ADAMTSL1: variants seen among roughly 807,000 people sequenced by gnomAD.
ADAMTSL1 encodes ADAMTS like 1.
Under a neutral mutation model 201.8 loss-of-function variants are expected in ADAMTSL1, and 126 were observed. That is an observed-to-expected ratio of 0.62 (90% CI 0.54 to 0.72). ADAMTSL1 has a LOEUF of 0.72. Among genes scored for constraint, ADAMTSL1 ranks in the 30% least tolerant of loss-of-function variants. The pLI, the probability that ADAMTSL1 is intolerant of heterozygous loss-of-function variation, is 0.00. For missense variants in ADAMTSL1, 2,679 were observed against 2,277.8 expected, an observed-to-expected ratio of 1.18 and a Z score of -3.59; for synonymous variants, 1,121 against 903.4, an observed-to-expected ratio of 1.24 and a Z score of -4.32.
chr9:18,194,013 G>A (rs893127069), intron 2 of ADAMTSL1, among the ~76,000 whole-genome samples: 1 of 152,098 alleles, frequency 6.6e-6, no homozygotes, highest in African/African-American at 2.4e-5. Flanking sequence ...GATGATAGCA[G>A]AAAAGAGCTA....
At chr9:18,280,709 G>A (rs1693798639) in intron 2 of ADAMTSL1, among the ~76,000 whole-genome samples, 1 of 152,066 alleles carries the variant, frequency 6.6e-6, no homozygotes, top group Non-Finnish European at 1.5e-5. Flanking sequence ...ATTGATATTA[G>A]TTACGTAGAA....
At chr9:18,466,141 T>C (rs2131728901) in intron 2 of ADAMTSL1, among the ~76,000 whole-genome samples, 1 of 152,344 alleles carries the variant, frequency 6.6e-6, no homozygotes, top group East Asian at 1.9e-4. Context: ...CTTGGGACCC[T>C]GTGCTTTCCA....
intron 9 of ADAMTSL1, among the ~76,000 whole-genome samples, chr9:18,671,184 A>C (rs545734150): frequency 6.6e-6 from 1 of 152,192 alleles, no homozygotes; most frequent in South Asian, 2.1e-4. Context: ...CCAATAGTAC[A>C]CAGTTAAAAG....
intron 2 of ADAMTSL1, among the ~76,000 whole-genome samples, chr9:18,455,296 C>A (rs943981163): frequency 2.0e-5 from 3 of 152,144 alleles, no homozygotes; most frequent in Non-Finnish European, 4.4e-5. Context: ...CGATTGTATA[C>A]AGGTACAAAT....
At chr9:18,271,053 AG>A (rs1832340989) in intron 2 of ADAMTSL1, among the ~76,000 whole-genome samples, 1 of 152,208 alleles carries the variant, frequency 6.6e-6, no homozygotes, top group Non-Finnish European at 1.5e-5. Flanking sequence ...ATCATGAGCA[AG>A]AAATGCATGT....
intron 1 of ADAMTSL1, among the ~76,000 whole-genome samples, chr9:18,096,492 A>G (rs922586037): frequency 7.9e-5 from 12 of 152,208 alleles, no homozygotes; most frequent in Non-Finnish European, 1.6e-4. Flanking sequence ...CTCTGTGGCC[A>G]GAGTAGGAGA....
intron 2 of ADAMTSL1, among the ~76,000 whole-genome samples, chr9:18,380,554 C>A (rs1837513995): frequency 1.3e-5 from 2 of 152,108 alleles, no homozygotes; most frequent in Admixed American, 1.3e-4. Context: ...TACTCATTGG[C>A]TTTACTCTTC....
At chr9:18,290,717 C>T (rs1234182267) in intron 2 of ADAMTSL1, among the ~76,000 whole-genome samples, 1 of 151,862 alleles carries the variant, frequency 6.6e-6, no homozygotes, top group East Asian at 1.9e-4. Flanking sequence ...GGCAGTGTTC[C>T]CCTTTACCCT....
chr9:18,762,602 A>T (rs1190231928), intron 16 of ADAMTSL1, among the ~76,000 whole-genome samples: 5 of 152,036 alleles, frequency 3.3e-5, no homozygotes, highest in African/African-American at 1.2e-4. Flanking sequence ...ATTCTATTAC[A>T]TATTTTCATA....
At chr9:18,220,782 T>C (rs903126185) in intron 2 of ADAMTSL1, among the ~76,000 whole-genome samples, 33 of 148,550 alleles carry the variant, frequency 2.2e-4, no homozygotes, top group African/African-American at 7.9e-4. Flanking sequence ...TACTCCTAAT[T>C]TTTTTTTTTT....
At chr9:18,419,001 T>G (rs1398520377) in intron 2 of ADAMTSL1, among the ~76,000 whole-genome samples, 6 of 152,202 alleles carry the variant, frequency 3.9e-5, no homozygotes, top group Non-Finnish European at 7.3e-5. Context: ...AATAGATCGA[T>G]GTAACAGAAT....
intron 1 of ADAMTSL1, among the ~76,000 whole-genome samples, chr9:17,993,677 T>C (rs565062976): frequency 6.6e-6 from 1 of 152,170 alleles, no homozygotes; most frequent in Non-Finnish European, 1.5e-5. Flanking sequence ...TGAGGCTAAG[T>C]TGGGGAGATC....
At chr9:17,985,615 C>A (rs1214426392) in intron 1 of ADAMTSL1, among the ~76,000 whole-genome samples, 2 of 152,008 alleles carry the variant, frequency 1.3e-5, no homozygotes, top group Admixed American at 6.6e-5. Context: ...TAAGTGGATG[C>A]AATTTAGTAA....
In ADAMTSL1 at chr9:18,099,082, T is replaced by G. The variant is rs147193144; in HGVS notation, c.88-64780T>G. On this transcript the variant is annotated intron_variant, in intron 1 of 29. Transcript: ENST00000680146. ...TCTAGAAGAAGTCCATTCCATGACTTTTTTGCAGGTTGACAGCAGGTTTTT... is the reference window on the plus strand; with the variant it reads ...TCTAGAAGAAGTCCATTCCATGACTGTTTTGCAGGTTGACAGCAGGTTTTT... Among the ~76,000 whole-genome samples, 462 of 151,164 alleles carry G rather than the reference T, an allele frequency of 3.1e-3. 1 individual carries two copies. Among genetic ancestry groups the G allele is most frequent in the African/African-American group, 0.011 (441 of 41,402 alleles).
intron 4 of ADAMTSL1, among the ~76,000 whole-genome samples, chr9:18,621,556 CCACACACACACACACACACA>C (rs57351480): frequency 1.2e-4 from 17 of 143,672 alleles, no homozygotes; most frequent in East Asian, 8.1e-4. Flanking sequence ...CCGTCCTCTT[CCACACACACACACACACACA>C]CACACACACA....
rs186115091 is a variant in ADAMTSL1 at position 18,717,947 on chromosome 9, C to G, written c.1877-3589C>G. On this transcript the variant is annotated intron_variant, in intron 14 of 28. Coordinates refer to ENST00000380548, the MANE Select transcript of ADAMTSL1 (RefSeq NM_001040272.6). ...TTGGACAACAGTTCTTCAGAGCTGA[C>G]TCAGAGCTGCAATGCACTTAGTACA... 129 of 1,405,214 alleles carry G rather than the reference C, an allele frequency of 9.2e-5. No individual in the cohort carries two copies. The African/African-American group carries it at 1.6e-3, about 17-fold the overall frequency. 87.0% of individuals were successfully genotyped at this position (1,405,214 alleles called of 1,614,324 possible).
Position 18,673,372 on chromosome 9 carries a change from C to T in ADAMTSL1, c.1086-2485C>T, listed in dbSNP as rs980605818. On this transcript the variant is annotated intron_variant, in intron 9 of 28. Transcript: ENST00000380548. ...GCCTATGTACACGAATATGTATTAG[C>T]AGGACTGGACAGAGCACCATTGTTT... Among the ~76,000 whole-genome samples, 6 of 152,306 alleles carry T rather than the reference C, an allele frequency of 3.9e-5. No homozygotes were observed. The East Asian group carries it at 1.2e-3, about 29-fold the overall frequency.
intron 1 of ADAMTSL1, among the ~76,000 whole-genome samples, chr9:17,972,523 A>G (rs1267306112): frequency 2.0e-5 from 3 of 151,756 alleles, no homozygotes; most frequent in Non-Finnish European, 1.5e-5. Flanking sequence ...ATAGTATTCC[A>G]TGGTGTCTAT....
chr9:18,120,534 G>A (rs541072469), intron 1 of ADAMTSL1, among the ~76,000 whole-genome samples: 1 of 152,246 alleles, frequency 6.6e-6, no homozygotes, highest in African/African-American at 2.4e-5. Context: ...TATGAATTAG[G>A]CTGTAGTCAT....
Sources: allele counts gnomAD v4.1 joint callset (sites outside exome capture counted in the v4.1 genomes callset), GRCh38; gene constraint gnomAD v4.1.1; transcripts MANE v1.5; gene names NCBI Gene and HGNC (gene_info 2026-07-23, HGNC 2026-07-21).